Variants in MPHOSPH8 observed in about 807,000 individuals in gnomAD.
The protein encoded by MPHOSPH8 is M-phase phosphoprotein, mpp.
MPHOSPH8 carries 45 observed loss-of-function variants against 87.3 expected under a neutral mutation model. That is an observed-to-expected ratio of 0.52 (90% CI 0.41 to 0.66). MPHOSPH8 has a LOEUF of 0.66. Ranked by LOEUF, MPHOSPH8 falls within the 30% of genes least tolerant of loss-of-function variation. MPHOSPH8 has a pLI of 0.00. For synonymous variants in MPHOSPH8, 366 were observed against 376.9 expected (o/e 0.97, Z 0.33); for missense variants, 883 against 1,020.2 (o/e 0.87, Z 1.83).
At position 19,633,781 on chromosome 13, in the gene MPHOSPH8, C is replaced by T. The variant is rs1236874458; in HGVS notation, c.33C>T (p.Thr11=). The change falls in exon 1 of 14, where the codon ACC becomes ACT. Residue 11 remains threonine (T), a synonymous_variant. Coordinates refer to ENST00000361479, the MANE Select transcript of MPHOSPH8 (RefSeq NM_017520.4). MEQVAEGARV[T]AVPVSAADST... ...AGGTTGCGGAGGGAGCAAGGGTGACCGCAGTCCCTGTGTCAGCTGCCGACA... is the reference window on the plus strand; with the variant it reads ...AGGTTGCGGAGGGAGCAAGGGTGACTGCAGTCCCTGTGTCAGCTGCCGACA... 6.2e-7 allele frequency: 1 copy of T among 1,605,272 alleles called. No homozygotes were observed. Among genetic ancestry groups the T allele is most frequent in the Admixed American group, 1.7e-5 (1 of 58,608 alleles).
At chr13:19,660,693 A>G (rs1186629831) in intron 7 of MPHOSPH8, among the ~76,000 whole-genome samples, 1 of 152,050 alleles carries the variant, frequency 6.6e-6, no homozygotes, top group Non-Finnish European at 1.5e-5. Context: ...GTATGCCTAT[A>G]TGTTTTATAA....
rs751696550 is a variant in MPHOSPH8, at chr13:19,647,249, C to T, written c.1176C>T (p.Ser392=). 30 of 1,611,218 alleles carry T rather than the reference C, an allele frequency of 1.9e-5. No homozygotes were observed. The South Asian group carries it at 2.9e-4, about 15-fold the overall frequency. The stretch of plus-strand genomic sequence containing the variant: ...AAACGCCAAAGGGCCGGAGGTTGAG[C>T]GGGGAAGAGAGAGGCCTCTGGTCCA... ...SAQTPKGRRL[S]GEERGLWSTD... Residue 392 remains serine (S), a synonymous_variant, in exon 3 of 14, where the codon AGC becomes AGT. Coordinates refer to ENST00000361479, the MANE Select transcript of MPHOSPH8 (RefSeq NM_017520.4).
chr13:19,670,151 G>A, intron 11 of MPHOSPH8, 85 bp from the exon 12 acceptor site: 1 of 1,533,618 alleles, frequency 6.5e-7, no homozygotes, highest in Non-Finnish European at 8.9e-7. Context: ...CCCAGCTCAG[G>A]GGCCTGCTTC....
At chr13:19,656,593 C>A (rs1875191120) in intron 5 of MPHOSPH8, among the ~76,000 whole-genome samples, 2 of 151,804 alleles carry the variant, frequency 1.3e-5, no homozygotes, top group Admixed American at 1.3e-4. Flanking sequence ...AACCCCGTCT[C>A]TACTAAAAAT....
In MPHOSPH8 at chr13:19,672,384, TC is replaced by T. The variant is rs1209997472; in HGVS notation, c.*511del. 2 of 152,844 alleles carry T rather than the reference TC, an allele frequency of 1.3e-5. No individual in the cohort carries two copies. Among genetic ancestry groups the T allele is most frequent in the African/African-American group, 4.8e-5 (2 of 41,250 alleles). 9.5% of individuals were successfully genotyped at this position (152,844 alleles called of 1,614,324 possible). On this transcript the variant is annotated 3_prime_UTR_variant, in exon 14 of 14. Transcript: ENST00000361479. Reference sequence around the variant, plus strand: ...GTCTTGAACTCCTGACCTCAGGTGATCCGCCCGCCTCGGCCTCCCAAAGTGC... The same window carrying T: ...GTCTTGAACTCCTGACCTCAGGTGATCGCCCGCCTCGGCCTCCCAAAGTGC...
At chr13:19,663,313 G>A (rs1281843724) in intron 9 of MPHOSPH8, among the ~76,000 whole-genome samples, 187 bp downstream of exon 9, 1 of 152,208 alleles carries the variant, frequency 6.6e-6, no homozygotes, top group Non-Finnish European at 1.5e-5. Flanking sequence ...GCTCAGTATG[G>A]GCAGTGGTGT....
intron 9 of MPHOSPH8, among the ~76,000 whole-genome samples, chr13:19,664,126 GAGCCACCACACCC>G (rs1875694353): frequency 1.3e-5 from 2 of 152,024 alleles, no homozygotes. Context: ...CTACAGGTGC[GAGCCACCACACCC>G]AGCCATTTTT....
At chr13:19,667,034 T>C (rs1875857170) in intron 10 of MPHOSPH8, among the ~76,000 whole-genome samples, 1 of 151,772 alleles carries the variant, frequency 6.6e-6, no homozygotes, top group South Asian at 2.1e-4. Context: ...TGGTGGTGGG[T>C]ACCTGTAACC....
At chr13:19,636,242 AG>A (rs1354849346) in intron 1 of MPHOSPH8, among the ~76,000 whole-genome samples, 1 of 152,198 alleles carries the variant, frequency 6.6e-6, no homozygotes, top group Non-Finnish European at 1.5e-5. Flanking sequence ...GACAAACTTA[AG>A]GGTACTGCTA....
intron 5 of MPHOSPH8, among the ~76,000 whole-genome samples, chr13:19,658,038 T>G (rs975787234): frequency 2.0e-5 from 3 of 152,254 alleles, no homozygotes; most frequent in African/African-American, 7.2e-5. Flanking sequence ...GTCTTATGAT[T>G]GCTAGTGGCT....
intron 1 of MPHOSPH8, 70 bp downstream of exon 1, chr13:19,634,031 A>G (rs1873858574): frequency 1.3e-6 from 2 of 1,500,966 alleles, no homozygotes; most frequent in East Asian, 2.3e-5. Context: ...CGCGAGCTGG[A>G]AACAGCACGG....
chr13:19,660,009 T>C (rs1365096518), intron 7 of MPHOSPH8, among the ~76,000 whole-genome samples: 1 of 144,090 alleles, frequency 6.9e-6, no homozygotes, highest in Non-Finnish European at 1.5e-5. Context: ...TTGCCCAGGC[T>C]GGAGTGCAGT....
intron 3 of MPHOSPH8, 30 bp downstream of exon 3, chr13:19,647,321 C>G (rs750705279): frequency 5.2e-6 from 8 of 1,539,670 alleles, no homozygotes; most frequent in Non-Finnish European, 6.1e-6. Context: ...GCAGAAAACC[C>G]ATGTTGAGTG....
At chr13:19,658,377 G>A (rs1448770905) in intron 5 of MPHOSPH8, among the ~76,000 whole-genome samples, 1 of 152,188 alleles carries the variant, frequency 6.6e-6, no homozygotes, top group African/African-American at 2.4e-5. Context: ...TGAAGTCTGT[G>A]TGATTGATTG....
chr13:19,667,005 T>C (rs1875855013), intron 10 of MPHOSPH8, among the ~76,000 whole-genome samples: 1 of 151,880 alleles, frequency 6.6e-6, no homozygotes, highest in South Asian at 2.1e-4. Flanking sequence ...CTACTAAAAA[T>C]ACAAAAATTA....
intron 2 of MPHOSPH8, among the ~76,000 whole-genome samples, chr13:19,644,050 A>G (rs762083192): frequency 3.9e-5 from 6 of 152,224 alleles, no homozygotes; most frequent in Non-Finnish European, 5.9e-5. Context: ...AAAGTTCCAC[A>G]TTCATTTGTA....
chr13:19,654,809 G>A (rs1875059655), intron 5 of MPHOSPH8, among the ~76,000 whole-genome samples: 1 of 152,248 alleles, frequency 6.6e-6, no homozygotes, highest in Middle Eastern at 3.4e-3. Flanking sequence ...TTAGCTGGAT[G>A]TGGTGGCACA....
chr13:19,648,440 A>C lies in MPHOSPH8; in HGVS notation c.1237A>C (p.Asn413His). 1.3e-6 allele frequency: 2 copies of C among 1,593,904 alleles called. No homozygotes were observed. Among genetic ancestry groups the C allele is most frequent in the African/African-American group, 2.7e-5 (2 of 74,096 alleles). The change falls in exon 4 of 14, where the codon AAT (asparagine) becomes CAT (histidine). Residue 413 changes from asparagine to histidine, a missense_variant. Around this residue, in one of 3 missense-constraint regions of MPHOSPH8, gnomAD observed 741 missense variants for 841.5 expected, o/e 0.88. Coordinates refer to ENST00000361479, the MANE Select transcript of MPHOSPH8 (RefSeq NM_017520.4). ...TTTTCAGGACAAAGAAACCAAAAGA[A>C]ATGAATCCAAAGAAAAATATCAGAA... The part of the protein sequence containing the change: ...SAEEDKETKR[N>H]ESKEKYQKRH...
At chr13:19,643,609 A>G (rs1017410661) in intron 2 of MPHOSPH8, among the ~76,000 whole-genome samples, 1 of 152,214 alleles carries the variant, frequency 6.6e-6, no homozygotes, top group African/African-American at 2.4e-5. Flanking sequence ...TTCCTTTAAA[A>G]TAATCTTTTA....
Sources: gnomAD v4.1 joint callset for allele counts (sites outside exome capture counted in the v4.1 genomes callset) on GRCh38, gnomAD v4.1.1 for gene constraint, gnomAD v4.1.1 regional missense constraint, MANE v1.5 for transcripts, NCBI Gene and HGNC (gene_info 2026-07-23, HGNC 2026-07-21) for gene names.